Variants in OAS3 observed in about 807,000 individuals in gnomAD.
OAS3 encodes the protein 2'-5'-oligoadenylate synthase 3.
OAS3 carries 107 observed loss-of-function variants against 113.0 expected under a neutral mutation model. The observed-to-expected ratio is 0.95, with a 90% confidence interval of 0.81 to 1.11. The LOEUF is 1.11. Ranked by LOEUF, OAS3 falls within the 50% of genes most tolerant of loss-of-function variation. The probability of loss-of-function intolerance (pLI) is 0.00; values close to 1 mark genes in which losing one functional copy is unlikely to be tolerated. For synonymous variants in OAS3, 552 were observed against 573.6 expected (o/e 0.96, Z 0.54); for missense variants, 1,258 against 1,389.1 (o/e 0.91, Z 1.50).
chr12:112,939,784 G>T (rs749037906), intron 1 of OAS3, among the ~76,000 whole-genome samples: 76 of 152,160 alleles, frequency 5.0e-4, no homozygotes, highest in Non-Finnish European at 9.6e-4. Flanking sequence ...GTAGATTTGG[G>T]GGTGCCAGGA....
chr12:112,951,066 T>G, intron 7 of OAS3, 91 bp downstream of exon 7: 2 of 1,330,836 alleles, frequency 1.5e-6, no homozygotes, highest in Non-Finnish European at 2.0e-6. Context: ...GTGATCCTAA[T>G]TCTCCTACTT....
chr12:112,963,046 T>G lies in OAS3; in HGVS notation c.2084+144T>G. On this transcript the variant is annotated intron_variant, in intron 9 of 15. Transcript: ENST00000228928. The surrounding 1 kb of genome is among the most constrained non-coding windows in gnomAD (Gnocchi z 4.6). ...CTCTGCTTCCCTCTGGACTCTTTGC[T>G]GAGGAAGTGTGGACATAAGGAGTCC... is the stretch of plus-strand genomic sequence containing the variant. The G allele has an allele frequency of 7.9e-7, 1 of 1,272,970 alleles. No individual in the cohort carries two copies. The highest frequency in any genetic ancestry group is 1.1e-6 in the Non-Finnish European group (1 of 910,762). The allele number at this position is 1,272,970 out of a possible 1,614,324, so 78.9% of individuals were successfully genotyped here.
intron 5 of OAS3, among the ~76,000 whole-genome samples, chr12:112,948,581 C>G (rs535798590): frequency 6.6e-6 from 1 of 151,996 alleles, no homozygotes; most frequent in Non-Finnish European, 1.5e-5. Context: ...TGAAACTGCC[C>G]GGGGGAAGGA....
intron 3 of OAS3, 102 bp downstream of exon 3, chr12:112,944,753 C>G (rs1193860170): frequency 1.2e-5 from 15 of 1,243,704 alleles, no homozygotes; most frequent in Admixed American, 3.6e-5. Context: ...TTCATGTTCT[C>G]TCTCTGGGAA....
In OAS3 at chr12:112,963,216, ACT is replaced by A; in HGVS notation, c.2085-94_2085-93del. The stretch of plus-strand genomic sequence containing the variant: ...ACTGAGCCAACCCTGAGGTCCTGAC[ACT>A]CTTTCCAGCCCTCACGCCCCTTTTC... On this transcript the variant is annotated intron_variant, in intron 9 of 15. Coordinates refer to ENST00000228928, the MANE Select transcript of OAS3 (RefSeq NM_006187.4). This position sits in a 1 kb window ranked among gnomAD's most constrained non-coding sequence, Gnocchi z 4.6. 7.3e-7 allele frequency: 1 copy of A among 1,367,930 alleles called. No individual in the cohort carries two copies. The highest frequency in any genetic ancestry group is 9.7e-7 in the Non-Finnish European group (1 of 1,028,002). 84.7% of individuals were successfully genotyped at this position (1,367,930 alleles called of 1,614,324 possible).
chr12:112,968,613 C>T (rs2043957578), intron 14 of OAS3, among the ~76,000 whole-genome samples: 1 of 152,208 alleles, frequency 6.6e-6, no homozygotes, highest in Admixed American at 6.5e-5. Flanking sequence ...CTCCCGGGTT[C>T]AAGCAATTCT....
In OAS3 at chr12:112,967,582, T is replaced by C; in HGVS notation, c.2854T>C (p.Trp952Arg). Residue 952 changes from tryptophan (W) to arginine (R), a missense_variant, in exon 13 of 16, where the codon TGG becomes CGG. Physicochemically the swap from Trp to Arg is moderately radical, Grantham distance 101 (BLOSUM62 -3). Coordinates refer to ENST00000228928, the MANE Select transcript of OAS3 (RefSeq NM_006187.4). Reference sequence around the variant, plus strand: ...GAGCCTGATCCGGCTGGTGAAGCACTGGTACCAGCAGGTTCGGCACATGGA... The same window carrying C: ...GAGCCTGATCCGGCTGGTGAAGCACCGGTACCAGCAGGTTCGGCACATGGA... ...LKSLIRLVKH[W>R]YQQCTKISKG... 1.2e-6 allele frequency: 2 copies of C among 1,613,416 alleles called. No homozygotes were observed. The highest frequency in any genetic ancestry group is 1.3e-5 in the African/African-American group (1 of 75,036).
chr12:112,943,036 A>G (rs367785784), intron 2 of OAS3, among the ~76,000 whole-genome samples: 10 of 151,786 alleles, frequency 6.6e-5, no homozygotes, highest in African/African-American at 2.2e-4. Context: ...CCTGGGTTCA[A>G]GCAATCCTCC....
rs2043818914 is a variant in OAS3 at position 112,954,717 on chromosome 12, T to A, written c.1657+3742T>A. On this transcript the variant is annotated intron_variant, in intron 7 of 15. Coordinates refer to ENST00000228928, the MANE Select transcript of OAS3 (RefSeq NM_006187.4). This position sits in a 1 kb window ranked among gnomAD's most constrained non-coding sequence, Gnocchi z 4.0. ...TCTGTTTTGGTACAGTACCATGCTG[T>A]TTTGGTTACTGTAGTATAGTTTGAA... Among the ~76,000 whole-genome samples the A allele has an allele frequency of 1.3e-5, 2 of 152,156 alleles. No homozygotes were observed. The highest frequency in any genetic ancestry group is 2.1e-4 in the South Asian group (1 of 4,826).
At chr12:112,951,338 A>AT (rs1194790874) in intron 7 of OAS3, among the ~76,000 whole-genome samples, 102 of 150,758 alleles carry the variant, frequency 6.8e-4, no homozygotes, top group African/African-American at 2.2e-3. Flanking sequence ...TTTATGGTTC[A>AT]TTTTTTTTTA....
chr12:112,965,752 T>C lies in OAS3; in HGVS notation c.2412T>C (p.Ser804=). The C allele has an allele frequency of 6.2e-7, 1 of 1,610,044 alleles. No homozygotes were observed. Among genetic ancestry groups the C allele is most frequent in the South Asian group, 1.1e-5 (1 of 90,778 alleles). The change falls in exon 12 of 16, where the codon TCT becomes TCC. Residue 804 remains serine, a synonymous_variant. Transcript: ENST00000228928. Reference sequence around the variant, plus strand: ...TGCCATGTCCTCTCCAGGGTGGCTCTTCAGCCAAAGGCACAGCTCTGCGAG... The same window carrying C: ...TGCCATGTCCTCTCCAGGGTGGCTCCTCAGCCAAAGGCACAGCTCTGCGAG... ...IKVIKVVKGG[S]SAKGTALRGR... is the part of the protein sequence containing the mutation.
intron 2 of OAS3, 64 bp from the exon 3 acceptor site, chr12:112,944,412 C>T (rs1171128542): frequency 6.3e-7 from 1 of 1,584,222 alleles, no homozygotes; most frequent in African/African-American, 1.3e-5. Context: ...AGCTCGGCAC[C>T]AACACCGCCC....
intron 7 of OAS3, among the ~76,000 whole-genome samples, chr12:112,957,399 G>C (rs2043845111): frequency 6.6e-6 from 1 of 152,136 alleles, no homozygotes; most frequent in African/African-American, 2.4e-5. Context: ...TGGTTATTTT[G>C]CTCGTTAGTT....
chr12:112,947,228 C>T (rs541362115), intron 4 of OAS3, among the ~76,000 whole-genome samples: 32 of 152,298 alleles, frequency 2.1e-4, no homozygotes, highest in African/African-American at 7.5e-4. Flanking sequence ...TGATGTATAG[C>T]AGAAAGTGCA....
At chr12:112,950,191 CTTCT>C (rs1030581440) in intron 6 of OAS3, among the ~76,000 whole-genome samples, 1 of 152,068 alleles carries the variant, frequency 6.6e-6, no homozygotes, top group Non-Finnish European at 1.5e-5. Flanking sequence ...ATCCTCTCTT[CTTCT>C]TTCTTTCCTG....
At position 112,964,227 on chromosome 12, in the gene OAS3, C is replaced by T; in HGVS notation, c.2230-8C>T. ...CTCAAGCTGGCCCCACCTGGATTCT[C>T]TCTGCAGCCAGCCCTCCTTTACCAA... is the stretch of plus-strand genomic sequence containing the variant. On this transcript the variant is annotated splice_region_variant and splice_polypyrimidine_tract_variant and intron_variant, in intron 10 of 15. Coordinates refer to ENST00000228928, the MANE Select transcript of OAS3 (RefSeq NM_006187.4). 6.3e-7 allele frequency: 1 copy of T among 1,576,764 alleles called. No homozygotes were observed. The highest frequency in any genetic ancestry group is 8.6e-7 in the Non-Finnish European group (1 of 1,160,768).
chr12:112,940,020 A>G (rs968194759), intron 1 of OAS3, among the ~76,000 whole-genome samples: 12 of 152,174 alleles, frequency 7.9e-5, no homozygotes, highest in Non-Finnish European at 1.3e-4. Flanking sequence ...AAGCCCTGGC[A>G]TCCTTAGCTT....
chr12:112,944,809 G>C, intron 3 of OAS3, 158 bp downstream of exon 3: 1 of 757,612 alleles, frequency 1.3e-6, no homozygotes, highest in South Asian at 1.6e-5. Context: ...TGGGTTAGCT[G>C]TCTTGTTACT....
At chr12:112,949,887 C>T (rs1322183589) in intron 6 of OAS3, among the ~76,000 whole-genome samples, 2 of 152,112 alleles carry the variant, frequency 1.3e-5, no homozygotes, top group Non-Finnish European at 2.9e-5. Flanking sequence ...GGCATGGTGA[C>T]GGGCCCCTGT....
Sources: allele counts gnomAD v4.1 joint callset (sites outside exome capture counted in the v4.1 genomes callset), GRCh38; gene constraint gnomAD v4.1.1; non-coding constraint Gnocchi (gnomAD v3.1); transcripts MANE v1.5; gene names NCBI Gene and HGNC (gene_info 2026-07-23, HGNC 2026-07-21).